The following VSTM4 variants were observed in gnomAD, a reference collection of about 807,000 sequenced individuals.
The protein encoded by VSTM4 is V-set and transmembrane domain containing 4.
VSTM4 carries 20 observed loss-of-function variants against 36.4 expected under a neutral mutation model. The observed-to-expected ratio is 0.55, with a 90% CI of 0.39 to 0.80. VSTM4 has a LOEUF of 0.80. Ranked by LOEUF, VSTM4 falls within the 30% of genes least tolerant of loss-of-function variation. The pLI, the probability that VSTM4 is intolerant of heterozygous loss-of-function variation, is 0.00. For synonymous variants in VSTM4, 182 were observed against 173.9 expected, an observed-to-expected ratio of 1.05 and a Z score of -0.37; for missense variants, 392 against 404.5, an observed-to-expected ratio of 0.97 and a Z score of 0.26.
chr10:49,049,321 C>T (rs1843662292), intron 5 of VSTM4, among the ~76,000 whole-genome samples: 1 of 152,068 alleles, frequency 6.6e-6, no homozygotes, highest in African/African-American at 2.4e-5. Flanking sequence ...AAGGCCAAGG[C>T]TTAAATAGGC....
chr10:49,017,498 A>T lies in VSTM4; in HGVS notation c.*2152T>A, dbSNP rs1219135357. The T allele has an allele frequency of 1.3e-5, 2 of 152,122 alleles. No individual in the cohort carries two copies. Among genetic ancestry groups the T allele is most frequent in the Non-Finnish European group, 2.9e-5 (2 of 68,060 alleles). 9.4% of individuals were successfully genotyped at this position (152,122 alleles called of 1,614,324 possible). A position where few individuals can be genotyped will look rare whatever the true frequency, so the allele number is the denominator to read the frequency against. ...CTATAATATAACAATGACTGGTTTG[A>T]CTCTAACTGGGAGCTACTAGCTCTT... On this transcript the variant is annotated 3_prime_UTR_variant, in exon 8 of 8. Transcript: ENST00000332853.
chr10:49,058,790 C>T (rs1843825873), intron 5 of VSTM4, among the ~76,000 whole-genome samples: 1 of 152,218 alleles, frequency 6.6e-6, no homozygotes, highest in Non-Finnish European at 1.5e-5. Context: ...CTTCCGGAGG[C>T]CCTTCCCCTC....
intron 4 of VSTM4, among the ~76,000 whole-genome samples, chr10:49,072,440 C>T (rs561480731): frequency 2.6e-5 from 4 of 152,306 alleles, no homozygotes; most frequent in African/African-American, 9.6e-5. Flanking sequence ...GGGCAGTATC[C>T]CTTAATCCTC....
rs1003014925 is a variant in VSTM4, at chr10:49,046,571, C to G, written c.837+412G>C. 3.3e-5 allele frequency among the ~76,000 whole-genome samples: 5 copies of G among 152,192 alleles called. No individual in the cohort carries two copies. The East Asian group carries it at 9.6e-4, about 29-fold the overall frequency. On this transcript the variant is annotated intron_variant, in intron 7 of 7. Coordinates refer to ENST00000332853, the MANE Select transcript of VSTM4 (RefSeq NM_001031746.5). ...GAAGGTGGATGAAGGTACATGGGAC[C>G]ACTCTGTGCCAGCTTTACAACTTTT...
At chr10:49,081,494 C>G (rs564510202) in intron 3 of VSTM4, among the ~76,000 whole-genome samples, 1 of 152,360 alleles carries the variant, frequency 6.6e-6, no homozygotes, top group South Asian at 2.1e-4. Context: ...GACAAGGTTG[C>G]AGGTAAGAAC....
rs1208316025 is a variant in VSTM4, at chr10:49,115,498, G to T, written c.-13C>A. Reference sequence around the variant, plus strand: ...CCAGCAGCCGCATCTCCCCGCCGCCGCCCGGCGCTGTGACGCGGGAGAGCG... The same window carrying T: ...CCAGCAGCCGCATCTCCCCGCCGCCTCCCGGCGCTGTGACGCGGGAGAGCG... On this transcript the variant is annotated 5_prime_UTR_variant, in exon 1 of 8. Coordinates refer to ENST00000332853, the MANE Select transcript of VSTM4 (RefSeq NM_001031746.5). The T allele has an allele frequency of 2.0e-6, 2 of 994,004 alleles. No homozygotes were observed. Among genetic ancestry groups the T allele is most frequent in the African/African-American group, 1.8e-5 (1 of 56,832 alleles). 61.6% of individuals were successfully genotyped at this position (994,004 alleles called of 1,614,324 possible). A position where few individuals can be genotyped will look rare whatever the true frequency, so the allele number is the denominator to read the frequency against.
At chr10:49,064,792 G>A (rs1180266437) in intron 4 of VSTM4, 56 bp from the exon 5 acceptor site, 16 of 1,563,344 alleles carry the variant, frequency 1.0e-5, no homozygotes, top group Non-Finnish European at 1.3e-5. Flanking sequence ...AGATATATAT[G>A]CTCCAGGAAT....
Position 49,019,177 on chromosome 10 carries a change from A to G in VSTM4, c.*473T>C, listed in dbSNP as rs959906784. On this transcript the variant is annotated 3_prime_UTR_variant, in exon 8 of 8. Coordinates refer to ENST00000332853, the MANE Select transcript of VSTM4 (RefSeq NM_001031746.5). ...ATCAGCAGTTGGCTGTGGCCCTGGC[A>G]ATGCCATCTGATCCTTGGAAAACCA... is the stretch of plus-strand genomic sequence containing the variant. The G allele has an allele frequency of 6.6e-6, 1 of 152,252 alleles. No homozygotes were observed. The highest frequency in any genetic ancestry group is 2.4e-5 in the African/African-American group (1 of 41,446). The allele number at this position is 152,252 out of a possible 1,614,324, so 9.4% of individuals were successfully genotyped here.
intron 5 of VSTM4, among the ~76,000 whole-genome samples, chr10:49,055,594 CA>C (rs1843766065): frequency 6.6e-6 from 1 of 152,228 alleles, no homozygotes; most frequent in Admixed American, 6.5e-5. Context: ...AGAACTCATG[CA>C]AACAGGGGGA....
At chr10:49,050,561 T>C (rs1225035851) in intron 5 of VSTM4, among the ~76,000 whole-genome samples, 2 of 152,198 alleles carry the variant, frequency 1.3e-5, no homozygotes, top group Admixed American at 6.5e-5. Flanking sequence ...TTCTAACTGG[T>C]CATAGCTTTA....
rs1843144268 is a variant in VSTM4 at position 49,019,239 on chromosome 10, A to G, written c.*411T>C. On this transcript the variant is annotated 3_prime_UTR_variant, in exon 8 of 8. Coordinates refer to ENST00000332853, the MANE Select transcript of VSTM4 (RefSeq NM_001031746.5). ...ATCTTACAGTTGGGTCCATAATGGCATTTCCTCTAGCTATATACTGTGAGC... is the reference window on the plus strand; with the variant it reads ...ATCTTACAGTTGGGTCCATAATGGCGTTTCCTCTAGCTATATACTGTGAGC... 1.3e-5 allele frequency: 2 copies of G among 153,304 alleles called. No individual in the cohort carries two copies. Among genetic ancestry groups the G allele is most frequent in the South Asian group, 4.1e-4 (2 of 4,842 alleles). The allele number at this position is 153,304 out of a possible 1,614,324, so 9.5% of individuals were successfully genotyped here. A position where few individuals can be genotyped will look rare whatever the true frequency, so the allele number is the denominator to read the frequency against.
At chr10:49,034,101 T>C (rs902478837) in intron 7 of VSTM4, among the ~76,000 whole-genome samples, 4 of 151,328 alleles carry the variant, frequency 2.6e-5, no homozygotes, top group African/African-American at 9.7e-5. Flanking sequence ...TCATTACCAT[T>C]ATCATCACCA....
chr10:49,073,100 C>G (rs1177716553), intron 4 of VSTM4, among the ~76,000 whole-genome samples: 1 of 152,170 alleles, frequency 6.6e-6, no homozygotes, highest in East Asian at 1.9e-4. Context: ...TCTGTCCTAT[C>G]ATATCATTTT....
intron 4 of VSTM4, among the ~76,000 whole-genome samples, chr10:49,066,146 C>T (rs766519531): frequency 1.3e-5 from 2 of 152,142 alleles, no homozygotes; most frequent in Non-Finnish European, 2.9e-5. Flanking sequence ...CCTAAGAATG[C>T]ATTCTCTTAG....
intron 7 of VSTM4, among the ~76,000 whole-genome samples, chr10:49,044,071 T>C (rs537175588): frequency 6.6e-6 from 1 of 152,334 alleles, no homozygotes; most frequent in East Asian, 1.9e-4. Flanking sequence ...CTCATGCCTG[T>C]AATCCCAACA....
chr10:49,058,183 C>T (rs1450921569), intron 5 of VSTM4, among the ~76,000 whole-genome samples: 1 of 152,152 alleles, frequency 6.6e-6, no homozygotes, highest in African/African-American at 2.4e-5. Flanking sequence ...ATTATAACTT[C>T]CCTCATTGGC....
intron 7 of VSTM4, among the ~76,000 whole-genome samples, chr10:49,030,821 G>A (rs1334266608): frequency 6.6e-6 from 1 of 152,164 alleles, no homozygotes; most frequent in African/African-American, 2.4e-5. Context: ...AATATTATTC[G>A]TTCAAGTTTC....
intron 7 of VSTM4, among the ~76,000 whole-genome samples, chr10:49,024,308 C>T (rs574993755): frequency 2.0e-5 from 3 of 152,230 alleles, no homozygotes; most frequent in Non-Finnish European, 2.9e-5. Flanking sequence ...GAGAAAACTA[C>T]CAGCCAGTGA....
At position 49,051,325 on chromosome 10, in the gene VSTM4, C is replaced by A. The variant is rs1212410213; in HGVS notation, c.669-2741G>T. Among the ~76,000 whole-genome samples the A allele has an allele frequency of 2.0e-5, 3 of 151,940 alleles. No homozygotes were observed. In the East Asian group the frequency reaches 5.8e-4, roughly 29 times the overall value. On this transcript the variant is annotated intron_variant, in intron 5 of 7. Transcript: ENST00000332853. ...CAATATATAGCCTTTTCAGATTGGC[C>A]TCTTTCACTTAGCAATATGCAATTA...
Sources: gnomAD v4.1 joint callset for allele counts (sites outside exome capture counted in the v4.1 genomes callset) on GRCh38, gnomAD v4.1.1 for gene constraint, MANE v1.5 for transcripts, NCBI Gene and HGNC (gene_info 2026-07-23, HGNC 2026-07-21) for gene names.